Variants in TDRD3 observed in about 807,000 individuals in gnomAD.
TDRD3 encodes the protein tudor domain containing 3, also known as tudor domain-containing protein 3.
TDRD3 carries 45 observed loss-of-function variants against 86.7 expected under a neutral mutation model. The ratio of observed to expected loss-of-function variants is 0.52; its 90% CI spans 0.41 to 0.67. The LOEUF (loss-of-function observed/expected upper bound fraction) is 0.67. TDRD3 is among the 30% of genes least tolerant of loss of function. The pLI is 0.00. For synonymous variants in TDRD3, 298 were observed against 301.7 expected, an observed-to-expected ratio of 0.99 and a Z score of 0.13; for missense variants, 814 against 889.0, an observed-to-expected ratio of 0.92 and a Z score of 1.07.
chr13:60,555,477 C>T (rs1294034300), intron 12 of TDRD3, among the ~76,000 whole-genome samples: 1 of 152,072 alleles, frequency 6.6e-6, no homozygotes, highest in Non-Finnish European at 1.5e-5. Context: ...AATATGGGTT[C>T]AGAGCTGTTA....
intron 7 of TDRD3, among the ~76,000 whole-genome samples, chr13:60,493,343 C>T (rs1283245012): frequency 6.6e-6 from 1 of 151,960 alleles, no homozygotes; most frequent in East Asian, 1.9e-4. Flanking sequence ...GTTTTAGCTT[C>T]TTCTTTTATT....
intron 10 of TDRD3, among the ~76,000 whole-genome samples, chr13:60,511,428 T>A (rs935883428): frequency 1.3e-5 from 2 of 152,202 alleles, no homozygotes; most frequent in Admixed American, 1.3e-4. Flanking sequence ...AATTGAAGCA[T>A]GTTTGCTAGA....
chr13:60,522,353 G>A (rs1957306769), intron 10 of TDRD3, among the ~76,000 whole-genome samples: 1 of 152,142 alleles, frequency 6.6e-6, no homozygotes, highest in South Asian at 2.1e-4. Flanking sequence ...GTGGTAGTGG[G>A]AATGTATAAA....
chr13:60,510,483 A>G, intron 9 of TDRD3, 147 bp from the exon 10 acceptor site: 1 of 856,780 alleles, frequency 1.2e-6, no homozygotes, highest in East Asian at 3.5e-5. Context: ...AAAAACCTAA[A>G]AAAATTACTT....
chr13:60,564,298 G>A (rs995439048), intron 12 of TDRD3, among the ~76,000 whole-genome samples: 1 of 152,012 alleles, frequency 6.6e-6, no homozygotes, highest in African/African-American at 2.4e-5. Flanking sequence ...TATACTTTAG[G>A]GAGACGTGAG....
chr13:60,565,630 A>C (rs1214522414), intron 12 of TDRD3, among the ~76,000 whole-genome samples: 1 of 152,002 alleles, frequency 6.6e-6, no homozygotes, highest in African/African-American at 2.4e-5. Context: ...ACAGATTTTT[A>C]GATGTTCTCC....
chr13:60,540,771 T>C (rs1024818186), intron 12 of TDRD3, among the ~76,000 whole-genome samples: 2 of 152,180 alleles, frequency 1.3e-5, no homozygotes, highest in African/African-American at 4.8e-5. Context: ...ATTTAAACTA[T>C]ATGTAAAAAC....
intron 7 of TDRD3, among the ~76,000 whole-genome samples, chr13:60,490,157 A>G (rs186524451): frequency 3.0e-4 from 46 of 151,884 alleles, no homozygotes; most frequent in African/African-American, 1.1e-3. Context: ...GACTTGTGCA[A>G]GGTTATCCAG....
At chr13:60,433,800 T>G (rs1383692148) in intron 1 of TDRD3, among the ~76,000 whole-genome samples, 1 of 152,212 alleles carries the variant, frequency 6.6e-6, no homozygotes, top group Admixed American at 6.5e-5. Flanking sequence ...AGTCAGCTGA[T>G]GTGTAGTTTG....
At chr13:60,472,357 C>G (rs907706713) in intron 5 of TDRD3, among the ~76,000 whole-genome samples, 1 of 152,134 alleles carries the variant, frequency 6.6e-6, no homozygotes, top group Non-Finnish European at 1.5e-5. Context: ...TCTTAACCAT[C>G]TTAGATGTAC....
At chr13:60,474,568 C>T (rs1409106125) in intron 5 of TDRD3, among the ~76,000 whole-genome samples, 2 of 152,188 alleles carry the variant, frequency 1.3e-5, no homozygotes, top group African/African-American at 4.8e-5. Context: ...TTTCTTTCTA[C>T]CTTCAATAAT....
chr13:60,528,075 C>T (rs534628887), intron 10 of TDRD3, among the ~76,000 whole-genome samples: 2 of 152,200 alleles, frequency 1.3e-5, no homozygotes, highest in South Asian at 2.1e-4. Context: ...AAATGATTTA[C>T]CAGAATAGCA....
At position 60,400,219 on chromosome 13, in the gene TDRD3, A is replaced by G. The variant is rs138656649; in HGVS notation, c.41+2814A>G. Among the ~76,000 whole-genome samples, 43 of 152,278 alleles carry G rather than the reference A, an allele frequency of 2.8e-4. No homozygotes were observed. The East Asian group carries it at 4.4e-3, about 16-fold the overall frequency. On this transcript the variant is annotated intron_variant, in intron 1 of 13. Coordinates refer to ENST00000377881, the MANE Select transcript of TDRD3 (RefSeq NM_001146070.2). ...TGACTCTGAATTTATCTAGATAACA[A>G]TTTTACTCACTCTGCATTTTTGTTT...
chr13:60,529,820 A>C, intron 11 of TDRD3, among the ~76,000 whole-genome samples: 1 of 152,140 alleles, frequency 6.6e-6, no homozygotes, highest in East Asian at 1.9e-4. Flanking sequence ...AGGGGAAAGA[A>C]GGAAGGAAAG....
intron 12 of TDRD3, chr13:60,547,533 ATTG>A (rs1162091089): frequency 2.9e-6 from 1 of 349,822 alleles, no homozygotes; most frequent in African/African-American, 2.2e-5. Flanking sequence ...TCAGTACAGG[ATTG>A]TTGTGAGAAT....
chr13:60,464,565 TACACATACAC>T (rs1197806605), intron 4 of TDRD3, among the ~76,000 whole-genome samples: 1 of 151,936 alleles, frequency 6.6e-6, no homozygotes, highest in Non-Finnish European at 1.5e-5. Context: ...TGTGTGTGTA[TACACATACAC>T]ACACACACAT....
At chr13:60,535,382 C>G in intron 12 of TDRD3, 149 bp downstream of exon 12, 1 of 749,630 alleles carries the variant, frequency 1.3e-6, no homozygotes, top group Non-Finnish European at 1.9e-6. Flanking sequence ...GATTTTAATT[C>G]AATGCTTACA....
At position 60,494,428 on chromosome 13, in the gene TDRD3, T is replaced by A; in HGVS notation, c.718-7T>A. The A allele has an allele frequency of 6.2e-7, 1 of 1,610,754 alleles. No homozygotes were observed. Among genetic ancestry groups the A allele is most frequent in the East Asian group, 2.2e-5 (1 of 44,792 alleles). On this transcript the variant is annotated splice_region_variant and splice_polypyrimidine_tract_variant and intron_variant, in intron 7 of 13. Coordinates refer to ENST00000377881, the MANE Select transcript of TDRD3 (RefSeq NM_001146070.2). ...ATACCTCTCTTTTATCTTTCTCTTA[T>A]GTAAAGACCAAGACATTTGGAGGAG...
chr13:60,524,093 A>G (rs916795366), intron 10 of TDRD3, among the ~76,000 whole-genome samples: 6 of 152,086 alleles, frequency 3.9e-5, no homozygotes, highest in Admixed American at 3.3e-4. Context: ...GTCCATTGGT[A>G]TCTAATGTAG....
Sources: allele counts gnomAD v4.1 joint callset (sites outside exome capture counted in the v4.1 genomes callset), GRCh38; gene constraint gnomAD v4.1.1; transcripts MANE v1.5; gene names NCBI Gene and HGNC (gene_info 2026-07-23, HGNC 2026-07-21).